RPP14: variants seen among roughly 807,000 people sequenced by gnomAD.
RPP14 encodes the protein ribonuclease P/MRP subunit p14.
RPP14 carries 19 observed loss-of-function variants against 17.8 expected under a neutral mutation model. The ratio of observed to expected loss-of-function variants is 1.07; its 90% CI spans 0.74 to 1.57. The LOEUF (loss-of-function observed/expected upper bound fraction) is 1.57. Ranked by LOEUF, RPP14 falls within the 40% of genes most tolerant of loss-of-function variation. The pLI is 0.00. For synonymous variants in RPP14, 60 were observed against 56.4 expected, an observed-to-expected ratio of 1.06 and a Z score of -0.29; for missense variants, 125 against 140.8, an observed-to-expected ratio of 0.89 and a Z score of 0.57.
In RPP14 at chr3:58,306,841, C is replaced by G. The variant is rs911760978; in HGVS notation, c.-22+424C>G. On this transcript the variant is annotated intron_variant, in intron 1 of 5. Transcript: ENST00000295959. ...AAGATAGCAAGATTCTTGGAGTGGA[C>G]TTTTGTTGGGGTGGGGAGGGGAAGT... Among the ~76,000 whole-genome samples the G allele has an allele frequency of 6.6e-5, 10 of 152,092 alleles. No individual in the cohort carries two copies. In the East Asian group the frequency reaches 1.9e-3, roughly 29 times the overall value.
chr3:58,317,392 T>A, intron 5 of RPP14, 48 bp from the exon 6 acceptor site: 1 of 1,282,012 alleles, frequency 7.8e-7, no homozygotes. Flanking sequence ...TGCCCTGTGC[T>A]TCAGTGTGGT....
rs1038489890 is a variant in RPP14, at chr3:58,316,591, G to T, written c.239G>T (p.Ser80Ile). 1 of 1,612,930 alleles carries T rather than the reference G, an allele frequency of 6.2e-7. No homozygotes were observed. Among genetic ancestry groups the T allele is most frequent in the African/African-American group, 1.3e-5 (1 of 74,926 alleles). ...TLSAILRICS[S>I]GLVKLWSSLT... is the part of the protein sequence containing the mutation. ...TCAGCCATCTTGAGAATATGTAGCA[G>T]GTATGACAGAGAGTGGGAAATTTCT... The change falls in exon 4 of 6, where the codon AGT (serine) becomes ATT (isoleucine). Residue 80 changes from serine to isoleucine, a missense_variant and splice_region_variant. Coordinates refer to ENST00000295959, the MANE Select transcript of RPP14 (RefSeq NM_007042.6).
chr3:58,308,208 T>C (rs2097477769), intron 1 of RPP14, among the ~76,000 whole-genome samples: 1 of 152,196 alleles, frequency 6.6e-6, no homozygotes, highest in African/African-American at 2.4e-5. Context: ...AAGGATTCTT[T>C]TGAATATATA....
At position 58,317,973 on chromosome 3, in the gene RPP14, T is replaced by G. The variant is rs1559796788; in HGVS notation, c.*477T>G. 1 of 702,970 alleles carries G rather than the reference T, an allele frequency of 1.4e-6. No individual in the cohort carries two copies. Among genetic ancestry groups the G allele is most frequent in the African/African-American group, 1.7e-5 (1 of 57,360 alleles). The allele number at this position is 702,970 out of a possible 1,614,324, so 43.5% of individuals were successfully genotyped here. A position where few individuals can be genotyped will look rare whatever the true frequency, so the allele number is the denominator to read the frequency against. ...TTAGCTTTCCAGCCCCTTTATATAT[T>G]GGAGAAGTTGTTTTAGCTTCTGCAG... is the stretch of plus-strand genomic sequence containing the variant. On this transcript the variant is annotated 3_prime_UTR_variant, in exon 6 of 6. Transcript: ENST00000295959.
At chr3:58,316,628 G>A (rs2097488552) in intron 4 of RPP14, 37 bp downstream of exon 4, 1 of 1,560,412 alleles carries the variant, frequency 6.4e-7, no homozygotes, top group Non-Finnish European at 8.8e-7. Context: ...GTATAACAGG[G>A]CAGAGAGACC....
At chr3:58,306,519 T>A (rs2097474742) in intron 1 of RPP14, 102 bp downstream of exon 1, 1 of 152,300 alleles carries the variant, frequency 6.6e-6, no homozygotes, top group Admixed American at 6.5e-5. Context: ...TTGGGTAGCT[T>A]GTCCTCTCCG....
chr3:58,314,757 T>C (rs1306442168), intron 3 of RPP14, among the ~76,000 whole-genome samples: 3 of 143,744 alleles, frequency 2.1e-5, no homozygotes, highest in African/African-American at 7.8e-5. Flanking sequence ...CAATCTTGGC[T>C]CACTGCAACC....
chr3:58,313,798 G>T (rs2097484995), intron 3 of RPP14, among the ~76,000 whole-genome samples: 3 of 152,204 alleles, frequency 2.0e-5, no homozygotes, highest in Non-Finnish European at 4.4e-5. Context: ...ATGGCTGGGG[G>T]TAGGGGTGGG....
chr3:58,311,102 AC>A (rs2097481729), intron 3 of RPP14, among the ~76,000 whole-genome samples: 1 of 151,480 alleles, frequency 6.6e-6, no homozygotes, highest in Non-Finnish European at 1.5e-5. Context: ...TCTGATAATC[AC>A]CAATCTACTT....
At chr3:58,312,524 C>T (rs1430785125) in intron 3 of RPP14, among the ~76,000 whole-genome samples, 1 of 152,044 alleles carries the variant, frequency 6.6e-6, no homozygotes, top group East Asian at 1.9e-4. Flanking sequence ...TTCTAATATG[C>T]CTTCTGTTTG....
rs1208340200 is a variant in RPP14 at position 58,317,737 on chromosome 3, G to A, written c.*241G>A. On this transcript the variant is annotated 3_prime_UTR_variant, in exon 6 of 6. Transcript: ENST00000295959. ...TATGCACATCAAAGTTGGAGACCGCGCTGAACTTAGGAGGGCCTTCACACA... is the reference window on the plus strand; with the variant it reads ...TATGCACATCAAAGTTGGAGACCGCACTGAACTTAGGAGGGCCTTCACACA... 6 of 703,440 alleles carry A rather than the reference G, an allele frequency of 8.5e-6. No homozygotes were observed. The highest frequency in any genetic ancestry group is 4.0e-5 in the Admixed American group (2 of 50,006). The allele number at this position is 703,440 out of a possible 1,614,324, so 43.6% of individuals were successfully genotyped here.
chr3:58,308,748 T>A (rs747257772), intron 1 of RPP14, among the ~76,000 whole-genome samples: 10 of 152,154 alleles, frequency 6.6e-5, no homozygotes, highest in Non-Finnish European at 1.2e-4. Flanking sequence ...GGCCTCAGTT[T>A]CCTGTTCCCT....
At chr3:58,314,349 T>C (rs1416390896) in intron 3 of RPP14, among the ~76,000 whole-genome samples, 1 of 152,016 alleles carries the variant, frequency 6.6e-6, no homozygotes, top group East Asian at 1.9e-4. Flanking sequence ...AGACTCTGTC[T>C]CAAAAAAATA....
rs140043639 is a variant in RPP14, at chr3:58,314,050, T to C, written c.163-2465T>C. 8.5e-4 allele frequency among the ~76,000 whole-genome samples: 130 copies of C among 152,188 alleles called. 1 individual carries two copies. The highest frequency in any genetic ancestry group is 1.6e-3 in the Non-Finnish European group (112 of 67,984). ...CAGCCTGGTCAACAGAACAAGACCA[T>C]GTCTCAAAAATAATAACACATGGGG... On this transcript the variant is annotated intron_variant, in intron 3 of 5. Coordinates refer to ENST00000295959, the MANE Select transcript of RPP14 (RefSeq NM_007042.6).
At chr3:58,313,715 G>C (rs13075007) in intron 3 of RPP14, among the ~76,000 whole-genome samples, 43,122 of 152,084 alleles carry the variant, frequency 0.28, 6,161 homozygotes, top group African/African-American at 0.31. Flanking sequence ...GTCCCAACTA[G>C]TCAGGAGGCT....
rs1006884682 is a variant in RPP14 at position 58,318,278 on chromosome 3, C to T, written c.*782C>T. 1.8e-6 allele frequency: 1 copy of T among 551,380 alleles called. No homozygotes were observed. The highest frequency in any genetic ancestry group is 3.2e-6 in the Non-Finnish European group (1 of 315,384). The allele number at this position is 551,380 out of a possible 1,614,324, so 34.2% of individuals were successfully genotyped here. A position where few individuals can be genotyped will look rare whatever the true frequency, so the allele number is the denominator to read the frequency against. ...GAGGGTTGTTCAAATGCCCACTTTC[C>T]AGTTTGGCCTTATGCTTCATGCAGA... On this transcript the variant is annotated 3_prime_UTR_variant, in exon 6 of 6. Coordinates refer to ENST00000295959, the MANE Select transcript of RPP14 (RefSeq NM_007042.6).
chr3:58,316,528 T>C lies in RPP14; in HGVS notation c.176T>C (p.Leu59Ser). The change falls in exon 4 of 6, where the codon TTA becomes TCA. Residue 59 changes from leucine to serine, a missense_variant. By Grantham distance (145) the Leu-to-Ser change is moderately radical (BLOSUM62 -2). Coordinates refer to ENST00000295959, the MANE Select transcript of RPP14 (RefSeq NM_007042.6). ...KDLFGEVDAA[L>S]PLDILTYEEK... The stretch of plus-strand genomic sequence containing the variant: ...TTCCATATGCAGGTTGATGCCGCCT[T>C]ACCTTTGGACATCCTAACCTATGAA... 2 of 1,614,068 alleles carry C rather than the reference T, an allele frequency of 1.2e-6. No individual in the cohort carries two copies.
At chr3:58,317,356 C>G in intron 5 of RPP14, 84 bp from the exon 6 acceptor site, 2 of 886,330 alleles carry the variant, frequency 2.3e-6, no homozygotes, top group African/African-American at 1.7e-5. Flanking sequence ...TTTGTTTATC[C>G]TGTAAAACTG....
intron 1 of RPP14, 106 bp downstream of exon 1, chr3:58,306,523 C>T (rs1286754935): frequency 6.6e-6 from 1 of 152,222 alleles, no homozygotes; most frequent in Non-Finnish European, 1.5e-5. Context: ...GTAGCTTGTC[C>T]TCTCCGACCC....
Sources: gnomAD v4.1 joint callset for allele counts (sites outside exome capture counted in the v4.1 genomes callset) on GRCh38, gnomAD v4.1.1 for gene constraint, MANE v1.5 for transcripts, NCBI Gene and HGNC (gene_info 2026-07-23, HGNC 2026-07-21) for gene names.